The following FAT3 variants were observed in gnomAD, a reference collection of about 807,000 sequenced individuals.
FAT3 encodes the protein FAT atypical cadherin 3, also known as protocadherin Fat 3.
Under a neutral mutation model 310.2 loss-of-function variants are expected in FAT3, and 95 were observed. That is an observed-to-expected ratio of 0.31 (90% CI 0.26 to 0.36). The LOEUF (loss-of-function observed/expected upper bound fraction) is 0.36. FAT3 is among the 10% of genes least tolerant of loss of function. The pLI, the probability that FAT3 is intolerant of heterozygous loss-of-function variation, is 1.00. For missense variants in FAT3, 5,408 were observed against 5,715.6 expected (o/e 0.95, Z 1.74); for synonymous variants, 2,314 against 2,192.9 (o/e 1.06, Z -1.54).
chr11:92,542,185 A>T (rs976197135), intron 3 of FAT3, among the ~76,000 whole-genome samples: 2 of 152,108 alleles, frequency 1.3e-5, no homozygotes, highest in Non-Finnish European at 2.9e-5. Context: ...ACAAAAATAA[A>T]CTCAGGATGG....
chr11:92,682,743 T>C (rs1209636115), intron 3 of FAT3, among the ~76,000 whole-genome samples: 2 of 152,116 alleles, frequency 1.3e-5, no homozygotes, highest in Non-Finnish European at 2.9e-5. Context: ...AACAAATGTG[T>C]TCTGAGAGGA....
chr11:92,416,300 C>T (rs1015079467), intron 2 of FAT3, among the ~76,000 whole-genome samples: 1 of 151,024 alleles, frequency 6.6e-6, no homozygotes, highest in Admixed American at 6.6e-5. Flanking sequence ...AGGAGAATCA[C>T]CTGAATCCAG....
At chr11:92,462,968 C>T (rs1479218265) in intron 2 of FAT3, among the ~76,000 whole-genome samples, 1 of 152,174 alleles carries the variant, frequency 6.6e-6, no homozygotes, top group African/African-American at 2.4e-5. Context: ...TCTGCAAACA[C>T]ACATTAGTGT....
intron 3 of FAT3, among the ~76,000 whole-genome samples, chr11:92,540,858 C>A (rs1954426308): frequency 6.6e-6 from 1 of 152,036 alleles, no homozygotes; most frequent in Non-Finnish European, 1.5e-5. Flanking sequence ...AGACCACTAC[C>A]AGCTAAAGGA....
At chr11:92,809,282 G>A (rs1947598135) in intron 12 of FAT3, among the ~76,000 whole-genome samples, 1 of 152,166 alleles carries the variant, frequency 6.6e-6, no homozygotes, top group Non-Finnish European at 1.5e-5. Context: ...AGCAAGTTAA[G>A]GGTTAACCCT....
chr11:92,481,531 G>T (rs924581889), intron 2 of FAT3, among the ~76,000 whole-genome samples: 1 of 152,130 alleles, frequency 6.6e-6, no homozygotes, highest in African/African-American at 2.4e-5. Flanking sequence ...GGTGGATTTG[G>T]ATTTATTCTC....
intron 1 of FAT3, among the ~76,000 whole-genome samples, chr11:92,256,118 A>G (rs1865304999): frequency 6.6e-6 from 1 of 152,302 alleles, no homozygotes; most frequent in African/African-American, 2.4e-5. Context: ...CTGAGTCTAA[A>G]TAACACTGAA....
chr11:92,676,779 G>T (rs1943301692), intron 3 of FAT3, among the ~76,000 whole-genome samples: 1 of 152,136 alleles, frequency 6.6e-6, no homozygotes, highest in African/African-American at 2.4e-5. Flanking sequence ...GACTTTAATT[G>T]CTGTTTCATT....
At chr11:92,616,497 T>TG (rs1940813651) in intron 3 of FAT3, among the ~76,000 whole-genome samples, 1 of 152,222 alleles carries the variant, frequency 6.6e-6, no homozygotes, top group South Asian at 2.1e-4. Flanking sequence ...AATATTGTTA[T>TG]GTGTGAATTT....
chr11:92,240,880 G>A (rs372710896), intron 1 of FAT3, among the ~76,000 whole-genome samples: 1 of 151,840 alleles, frequency 6.6e-6, no homozygotes, highest in African/African-American at 2.4e-5. Context: ...GTAGCTTTTT[G>A]CAGAACTGTT....
intron 3 of FAT3, among the ~76,000 whole-genome samples, chr11:92,608,223 C>T (rs1402145956): frequency 6.6e-6 from 1 of 152,152 alleles, no homozygotes; most frequent in Non-Finnish European, 1.5e-5. Context: ...TTAGAATCTT[C>T]AAACATTAAT....
At chr11:92,453,838 T>A (rs1180391734) in intron 2 of FAT3, among the ~76,000 whole-genome samples, 1 of 152,196 alleles carries the variant, frequency 6.6e-6, no homozygotes, top group Non-Finnish European at 1.5e-5. Context: ...ATATGTGACT[T>A]GTAGACCTCA....
intron 22 of FAT3, among the ~76,000 whole-genome samples, chr11:92,878,200 T>C (rs10765569): frequency 0.69 from 105,503 of 151,984 alleles, 36,800 homozygotes; most frequent in Middle Eastern, 0.79. Flanking sequence ...GCTGGAAATT[T>C]GGGTAAAATT....
chr11:92,484,597 A>G (rs2135207244), intron 2 of FAT3, among the ~76,000 whole-genome samples: 1 of 152,338 alleles, frequency 6.6e-6, no homozygotes, highest in African/African-American at 2.4e-5. Flanking sequence ...TGGATGATGG[A>G]AGATGATAAT....
At position 92,859,203 on chromosome 11, in the gene FAT3, A is replaced by G; in HGVS notation, c.11539A>G (p.Lys3847Glu). ...SLSFAGNSYI[K>E]YRLSENSKEE... ...CAGCTTTGCTGGAAACAGTTACATCAAATATCGGCTTTCTGAAAATAGCAA... is the reference window on the plus strand; with the variant it reads ...CAGCTTTGCTGGAAACAGTTACATCGAATATCGGCTTTCTGAAAATAGCAA... The change falls in exon 21 of 28, where the codon AAA becomes GAA. Residue 3847 changes from lysine (K) to glutamate (E), a missense_variant. Transcript: ENST00000525166. 1 of 1,613,872 alleles carries G rather than the reference A, an allele frequency of 6.2e-7. No individual in the cohort carries two copies. Among genetic ancestry groups the G allele is most frequent in the Non-Finnish European group, 8.5e-7 (1 of 1,179,866 alleles).
chr11:92,430,901 A>G (rs1950753411), intron 2 of FAT3, among the ~76,000 whole-genome samples: 1 of 152,182 alleles, frequency 6.6e-6, no homozygotes, highest in South Asian at 2.1e-4. Context: ...TTCTTAATCC[A>G]GTCTATCATT....
chr11:92,618,446 C>T (rs1401557571), intron 3 of FAT3, among the ~76,000 whole-genome samples: 1 of 152,180 alleles, frequency 6.6e-6, no homozygotes, highest in Non-Finnish European at 1.5e-5. Context: ...GGCAATGCCC[C>T]GCCCTGCTTC....
intron 2 of FAT3, among the ~76,000 whole-genome samples, chr11:92,364,729 T>C (rs1948972451): frequency 6.6e-6 from 1 of 152,214 alleles, no homozygotes; most frequent in Admixed American, 6.5e-5. Flanking sequence ...ATTCTGGGCA[T>C]TGGTATACAA....
chr11:92,860,737 T>C (rs942499805), intron 21 of FAT3, among the ~76,000 whole-genome samples: 2 of 152,232 alleles, frequency 1.3e-5, no homozygotes, highest in African/African-American at 4.8e-5. Context: ...TAAAGGCAGG[T>C]GAGGAAGGAG....
Sources: gnomAD v4.1 joint callset for allele counts (sites outside exome capture counted in the v4.1 genomes callset) on GRCh38, gnomAD v4.1.1 for gene constraint, MANE v1.5 for transcripts, NCBI Gene and HGNC (gene_info 2026-07-23, HGNC 2026-07-21) for gene names.